The following FYB1 variants were observed in gnomAD, a reference collection of about 807,000 sequenced individuals.
FYB1 encodes FYN binding protein 1.
FYB1 carries 41 observed loss-of-function variants against 94.1 expected under a neutral mutation model. That is an observed-to-expected ratio of 0.44 (90% confidence interval 0.34 to 0.57). FYB1 has a LOEUF of 0.57. FYB1 is among the 20% of genes least tolerant of loss of function. The pLI is 0.02. For synonymous variants in FYB1, 367 were observed against 353.2 expected (o/e 1.04, Z -0.44); for missense variants, 1,050 against 976.8 (o/e 1.07, Z -1.00).
At chr5:39,209,562 G>T (rs1749172793) in intron 1 of FYB1, among the ~76,000 whole-genome samples, 1 of 152,130 alleles carries the variant, frequency 6.6e-6, no homozygotes. Flanking sequence ...CTGACCACAG[G>T]TGATCCACCA....
chr5:39,184,705 G>T (rs183862361), intron 2 of FYB1, among the ~76,000 whole-genome samples: 3 of 151,990 alleles, frequency 2.0e-5, no homozygotes, highest in Non-Finnish European at 4.4e-5. Flanking sequence ...GTTTGTTAGT[G>T]TTACTTAAAA....
intron 3 of FYB1, among the ~76,000 whole-genome samples, chr5:39,149,867 T>C (rs1743090545): frequency 6.6e-6 from 1 of 152,204 alleles, no homozygotes; most frequent in African/African-American, 2.4e-5. Flanking sequence ...AGAGCTCAGT[T>C]CCTTTCTTCT....
intron 1 of FYB1, among the ~76,000 whole-genome samples, chr5:39,206,343 T>C (rs73091054): frequency 6.6e-6 from 1 of 152,224 alleles, no homozygotes. Context: ...GTTTAGTAGA[T>C]AAAATGTTCA....
In FYB1 at chr5:39,266,213, T is replaced by A. The variant is rs1392686840; in HGVS notation, c.-28+8190A>T. 7.2e-5 allele frequency among the ~76,000 whole-genome samples: 11 copies of A among 152,326 alleles called. No individual in the cohort carries two copies. The East Asian group carries it at 2.1e-3, about 29-fold the overall frequency. On this transcript the variant is annotated intron_variant, in intron 1 of 1. Transcript: ENST00000510188. ...TTCCACAGGGGCAGATAAAGTAGAATTCTACTGCCTCTTCTCCCACTTCTA... is the reference window on the plus strand; with the variant it reads ...TTCCACAGGGGCAGATAAAGTAGAAATCTACTGCCTCTTCTCCCACTTCTA...
chr5:39,264,114 T>C (rs1313394336), intron 1 of FYB1, among the ~76,000 whole-genome samples: 2 of 152,226 alleles, frequency 1.3e-5, no homozygotes, highest in Non-Finnish European at 2.9e-5. Flanking sequence ...TCAAGACATA[T>C]CCCTTTGGAC....
chr5:39,185,439 G>A (rs911742698), intron 2 of FYB1, among the ~76,000 whole-genome samples: 5 of 150,762 alleles, frequency 3.3e-5, no homozygotes, highest in African/African-American at 1.2e-4. Flanking sequence ...TCCCAGTCAA[G>A]ATGGTAGGCT....
In FYB1 at chr5:39,110,312, A is replaced by T. The variant is rs77289629; in HGVS notation, c.2435+44T>A. On this transcript the variant is annotated intron_variant, in intron 17 of 18. Transcript: ENST00000512982. ...ATAAATATTTTAAAAAGAAAGGCAC[A>T]AAATTCTTTTCACAAGCATAGTAGT... 8,448 of 1,333,202 alleles carry T rather than the reference A, an allele frequency of 6.3e-3. 175 individuals are homozygous for T. The highest frequency in any genetic ancestry group is 0.051 in the African/African-American group (3,493 of 67,916). The allele number at this position is 1,333,202 out of a possible 1,614,324, so 82.6% of individuals were successfully genotyped here. A position where few individuals can be genotyped will look rare whatever the true frequency, so the allele number is the denominator to read the frequency against.
At chr5:39,263,795 A>G (rs1722684374) in intron 1 of FYB1, among the ~76,000 whole-genome samples, 1 of 152,186 alleles carries the variant, frequency 6.6e-6, no homozygotes, top group Non-Finnish European at 1.5e-5. Context: ...GAACAAAGCC[A>G]ATATTTAAGG....
chr5:39,110,333 G>A (rs1294415464), intron 17 of FYB1, 23 bp downstream of exon 17: 1 of 1,537,788 alleles, frequency 6.5e-7, no homozygotes, highest in Non-Finnish European at 8.9e-7. Context: ...CACAAGCATA[G>A]TAGTAGAAGA....
At chr5:39,160,014 A>G (rs1744105403) in intron 2 of FYB1, among the ~76,000 whole-genome samples, 1 of 152,186 alleles carries the variant, frequency 6.6e-6, no homozygotes, top group Non-Finnish European at 1.5e-5. Context: ...AACTTCTTGG[A>G]AAAAACCCCT....
At chr5:39,117,085 A>C (rs979067890) in intron 16 of FYB1, among the ~76,000 whole-genome samples, 1 of 152,158 alleles carries the variant, frequency 6.6e-6, no homozygotes, top group Admixed American at 6.6e-5. Context: ...CTCTTGTAAA[A>C]AATGTGAAAT....
intron 7 of FYB1, 44 bp downstream of exon 7, chr5:39,137,556 T>C: frequency 6.6e-7 from 1 of 1,520,448 alleles, no homozygotes; most frequent in Non-Finnish European, 8.8e-7. Flanking sequence ...GTGAAAGGTA[T>C]AAAAAGATGT....
intron 9 of FYB1, among the ~76,000 whole-genome samples, chr5:39,131,744 G>A (rs974074090): frequency 1.5e-4 from 23 of 152,162 alleles, no homozygotes; most frequent in Middle Eastern, 3.2e-3. Flanking sequence ...TTGGAATTAT[G>A]TGAAGAGCTG....
intron 2 of FYB1, chr5:39,170,121 A>T: frequency 2.5e-6 from 2 of 815,204 alleles, no homozygotes; most frequent in Non-Finnish European, 4.3e-6. Context: ...TTCAAATGTT[A>T]TCAGTTGCTG....
chr5:39,234,065 G>A (rs879381255), intron 1 of FYB1, among the ~76,000 whole-genome samples: 9 of 152,028 alleles, frequency 5.9e-5, no homozygotes, highest in Non-Finnish European at 1.3e-4. Flanking sequence ...AACTGACTGT[G>A]AACGCCACAT....
chr5:39,142,091 A>C (rs1742243119), intron 3 of FYB1, among the ~76,000 whole-genome samples: 1 of 152,198 alleles, frequency 6.6e-6, no homozygotes, highest in East Asian at 1.9e-4. Context: ...TTCTCAGTTA[A>C]TTAACATAGC....
intron 1 of FYB1, among the ~76,000 whole-genome samples, chr5:39,261,728 C>G (rs1298426692): frequency 2.6e-5 from 4 of 151,760 alleles, no homozygotes; most frequent in Non-Finnish European, 5.9e-5. Flanking sequence ...GCCTGGGCAA[C>G]AAGGCGAGAC....
At chr5:39,235,669 C>G (rs557942231) in intron 1 of FYB1, among the ~76,000 whole-genome samples, 2 of 151,354 alleles carry the variant, frequency 1.3e-5, no homozygotes, top group Non-Finnish European at 2.9e-5. Context: ...AGTTTTTGAG[C>G]AAGTATTTGG....
intron 3 of FYB1, among the ~76,000 whole-genome samples, chr5:39,143,169 T>C (rs553273835): frequency 2.6e-4 from 39 of 152,308 alleles, no homozygotes; most frequent in African/African-American, 8.4e-4. Flanking sequence ...TTCAAATATA[T>C]ACATCTTGGG....
Sources: allele counts gnomAD v4.1 joint callset (sites outside exome capture counted in the v4.1 genomes callset), GRCh38; gene constraint gnomAD v4.1.1; transcripts MANE v1.5; gene names NCBI Gene and HGNC (gene_info 2026-07-23, HGNC 2026-07-21).